The following CAMTA1 variants were observed in gnomAD, a reference collection of about 807,000 sequenced individuals.
CAMTA1 encodes the protein calmodulin-binding transcription activator 1.
CAMTA1 carries 27 observed loss-of-function variants against 170.9 expected under a neutral mutation model. The ratio of observed to expected loss-of-function variants is 0.16; its 90% CI spans 0.12 to 0.22. The LOEUF (loss-of-function observed/expected upper bound fraction) is 0.22. CAMTA1 is among the 10% of genes least tolerant of loss of function. The probability of loss-of-function intolerance (pLI) is 1.00; values close to 1 mark genes in which losing one functional copy is unlikely to be tolerated. For synonymous variants in CAMTA1, 833 were observed against 891.5 expected (o/e 0.93, Z 1.17); for missense variants, 1,619 against 2,217.2 (o/e 0.73, Z 5.42).
intron 3 of CAMTA1, among the ~76,000 whole-genome samples, chr1:6,869,114 A>C (rs540846779): frequency 6.6e-6 from 1 of 152,174 alleles, no homozygotes; most frequent in Non-Finnish European, 1.5e-5. Flanking sequence ...CTGTTCATGC[A>C]CTGGTGTGTA....
At chr1:7,575,205 T>C (rs1285328541) in intron 6 of CAMTA1, among the ~76,000 whole-genome samples, 1 of 152,230 alleles carries the variant, frequency 6.6e-6, no homozygotes, top group Non-Finnish European at 1.5e-5. Context: ...TATTCTTTGC[T>C]GAATGCCACA....
intron 3 of CAMTA1, among the ~76,000 whole-genome samples, chr1:6,925,916 C>T (rs1682990880): frequency 6.6e-6 from 1 of 152,208 alleles, no homozygotes; most frequent in African/African-American, 2.4e-5. Flanking sequence ...TCCTCCCCCT[C>T]CCGGCTCCAG....
intron 4 of CAMTA1, among the ~76,000 whole-genome samples, chr1:7,141,424 T>A (rs1645882058): frequency 6.6e-6 from 1 of 152,236 alleles, no homozygotes; most frequent in South Asian, 2.1e-4. Flanking sequence ...TATGGACCAC[T>A]GGTGGACAGC....
chr1:7,747,306 C>A (rs1231250429), intron 18 of CAMTA1, among the ~76,000 whole-genome samples: 2 of 152,094 alleles, frequency 1.3e-5, no homozygotes, highest in Admixed American at 1.3e-4. Context: ...GAAGGGGACC[C>A]ATGGCTTTCT....
Position 7,014,471 on chromosome 1 carries a change from C to CCCTGCCCCAG in CAMTA1, c.235-76823_235-76814dup, listed in dbSNP as rs1385498256. Among the ~76,000 whole-genome samples, 3 of 152,130 alleles carry CCCTGCCCCAG rather than the reference C, an allele frequency of 2.0e-5. No individual in the cohort carries two copies. The highest frequency in any genetic ancestry group is 7.2e-5 in the African/African-American group (3 of 41,440). On this transcript the variant is annotated intron_variant, in intron 3 of 22. Coordinates refer to ENST00000303635, the MANE Select transcript of CAMTA1 (RefSeq NM_015215.4). This position sits in a 1 kb window ranked among gnomAD's most constrained non-coding sequence, Gnocchi z 4.2. ...CTACAAAGGTGAACTCCTTTTTGCT[C>CCCTGCCCCAG]CCTGCCCCAGCCTGCCCCATTAGAC...
At chr1:6,861,591 G>A (rs1349486849) in intron 3 of CAMTA1, among the ~76,000 whole-genome samples, 1 of 152,150 alleles carries the variant, frequency 6.6e-6, no homozygotes, top group African/African-American at 2.4e-5. Flanking sequence ...ACATTGAACT[G>A]CATGTCAGTA....
chr1:7,726,485 G>A (rs115802169), intron 11 of CAMTA1, among the ~76,000 whole-genome samples: 4,170 of 152,264 alleles, frequency 0.027, 156 homozygotes, highest in African/African-American at 0.083. Flanking sequence ...AAGGCTCTAA[G>A]TAGGTGGCTC....
At chr1:6,803,864 A>G (rs12063828) in intron 1 of CAMTA1, among the ~76,000 whole-genome samples, 5,632 of 151,904 alleles carry the variant, frequency 0.037, 123 homozygotes, top group Middle Eastern at 0.076. Flanking sequence ...ACAGGCATGT[A>G]TCACCATGCC....
At chr1:7,574,918 T>C (rs1253727207) in intron 6 of CAMTA1, among the ~76,000 whole-genome samples, 2 of 152,134 alleles carry the variant, frequency 1.3e-5, no homozygotes, top group Non-Finnish European at 2.9e-5. Flanking sequence ...GTCCCAGAGC[T>C]CCACCAGGGA....
chr1:7,455,789 C>T lies in CAMTA1; in HGVS notation c.439-12041C>T, dbSNP rs1036392141. Among the ~76,000 whole-genome samples, 3 of 152,246 alleles carry T rather than the reference C, an allele frequency of 2.0e-5. No individual in the cohort carries two copies. In the East Asian group the frequency reaches 5.8e-4, roughly 29 times the overall value. On this transcript the variant is annotated intron_variant, in intron 5 of 22. Coordinates refer to ENST00000303635, the MANE Select transcript of CAMTA1 (RefSeq NM_015215.4). The surrounding 1 kb of genome is among the most constrained non-coding windows in gnomAD (Gnocchi z 5.0). The stretch of plus-strand genomic sequence containing the variant: ...GCCTGCCCACAGGAGAAGAGAGCCA[C>T]TGATTTCTGGGCAGCACTTGGCCCT...
rs750270941 is a variant in CAMTA1, at chr1:7,663,847, G to T, written c.1300G>T (p.Ala434Ser). Residue 434 changes from alanine to serine, a missense_variant, in exon 9 of 23, where the codon GCC becomes TCC. By Grantham distance (99) the Ala-to-Ser change is moderately conservative (BLOSUM62 1). Coordinates refer to ENST00000303635, the MANE Select transcript of CAMTA1 (RefSeq NM_015215.4). ...TGACGCCTCTCAGGGCCTCGTCCTG[G>T]CCGTGAGCTCTGATGGCCACAAGTT... ...SPDASQGLVL[A>S]VSSDGHKFAF... is the part of the protein sequence containing the mutation. 1.9e-6 allele frequency: 3 copies of T among 1,614,058 alleles called. No homozygotes were observed. The Admixed American group carries it at 5.0e-5, about 27-fold the overall frequency.
chr1:7,240,933 C>T (rs922702203), intron 4 of CAMTA1, among the ~76,000 whole-genome samples: 2 of 152,162 alleles, frequency 1.3e-5, no homozygotes, highest in African/African-American at 4.8e-5. Flanking sequence ...TTCTATTCAA[C>T]ATTGGACTGG....
intron 4 of CAMTA1, among the ~76,000 whole-genome samples, chr1:7,148,767 T>TC (rs988202420): frequency 6.6e-6 from 1 of 152,234 alleles, no homozygotes; most frequent in African/African-American, 2.4e-5. Flanking sequence ...TGACCACCTC[T>TC]CTCCAGCAGA....
intron 5 of CAMTA1, among the ~76,000 whole-genome samples, chr1:7,420,795 C>T (rs972362119): frequency 4.6e-5 from 7 of 152,246 alleles, no homozygotes; most frequent in Non-Finnish European, 8.8e-5. Context: ...GCAGCAGGGC[C>T]TCCACAAAGG....
chr1:7,083,725 A>T (rs974226293), intron 3 of CAMTA1, among the ~76,000 whole-genome samples: 1 of 152,156 alleles, frequency 6.6e-6, no homozygotes, highest in African/African-American at 2.4e-5. Context: ...ATTCTGGGAA[A>T]ACTTGCTTTC....
intron 1 of CAMTA1, among the ~76,000 whole-genome samples, chr1:6,811,115 C>G (rs776252726): frequency 6.6e-6 from 1 of 152,126 alleles, no homozygotes; most frequent in African/African-American, 2.4e-5. Flanking sequence ...CAGTTGCCAC[C>G]GATAAATCCA....
At position 7,736,834 on chromosome 1, in the gene CAMTA1, C is replaced by T; in HGVS notation, c.3264-97C>T. On this transcript the variant is annotated intron_variant, in intron 13 of 22. Coordinates refer to ENST00000303635, the MANE Select transcript of CAMTA1 (RefSeq NM_015215.4). This position sits in a 1 kb window ranked among gnomAD's most constrained non-coding sequence, Gnocchi z 4.5. ...TCTTCACCATGGGGATGTTATATAC[C>T]CAGTTGGGTTTCATCTTGGTGGGGT... 4 of 979,380 alleles carry T rather than the reference C, an allele frequency of 4.1e-6. No individual in the cohort carries two copies. The South Asian group carries it at 5.7e-5, about 14-fold the overall frequency. The allele number at this position is 979,380 out of a possible 1,614,324, so 60.7% of individuals were successfully genotyped here. A position where few individuals can be genotyped will look rare whatever the true frequency, so the allele number is the denominator to read the frequency against.
intron 3 of CAMTA1, among the ~76,000 whole-genome samples, chr1:6,914,578 G>A (rs1680396664): frequency 6.6e-6 from 1 of 152,178 alleles, no homozygotes; most frequent in South Asian, 2.1e-4. Flanking sequence ...ATTTTTTGTG[G>A]CCTCCGACTA....
At position 7,534,964 on chromosome 1, in the gene CAMTA1, G is replaced by A. The variant is rs1317847852; in HGVS notation, c.510+67063G>A. On this transcript the variant is annotated intron_variant, in intron 6 of 22. Coordinates refer to ENST00000303635, the MANE Select transcript of CAMTA1 (RefSeq NM_015215.4). The surrounding 1 kb of genome is among the most constrained non-coding windows in gnomAD (Gnocchi z 5.6). Reference sequence around the variant, plus strand: ...AGGGCAGAGGGAAGGGAAGAGGAGGGGAAGGGAGTGAAGGAGAGAGGAGGG... The same window carrying A: ...AGGGCAGAGGGAAGGGAAGAGGAGGAGAAGGGAGTGAAGGAGAGAGGAGGG... 6.6e-6 allele frequency among the ~76,000 whole-genome samples: 1 copy of A among 152,084 alleles called. No homozygotes were observed. Among genetic ancestry groups the A allele is most frequent in the Non-Finnish European group, 1.5e-5 (1 of 68,004 alleles).
Sources: gnomAD v4.1 joint callset for allele counts (sites outside exome capture counted in the v4.1 genomes callset) on GRCh38, gnomAD v4.1.1 for gene constraint, Gnocchi (gnomAD v3.1) non-coding constraint, MANE v1.5 for transcripts, NCBI Gene and HGNC (gene_info 2026-07-23, HGNC 2026-07-21) for gene names.